The following CYP51A1 variants were observed in gnomAD, a reference collection of about 807,000 sequenced individuals.
CYP51A1 encodes lanosterol 14-alpha demethylase.
A neutral mutation model predicts 53.5 loss-of-function variants in CYP51A1; 45 were observed. That is an observed-to-expected ratio of 0.84 (90% confidence interval 0.66 to 1.08). The LOEUF (loss-of-function observed/expected upper bound fraction) is 1.08. CYP51A1 is among the 50% of genes least tolerant of loss of function. CYP51A1 has a pLI of 0.00. For missense variants in CYP51A1, 462 were observed against 621.7 expected (o/e 0.74, Z 2.73); for synonymous variants, 181 against 217.7 (o/e 0.83, Z 1.48).
chr7:92,114,077 T>C (rs1017335237), intron 9 of CYP51A1, among the ~76,000 whole-genome samples: 3 of 152,164 alleles, frequency 2.0e-5, no homozygotes, highest in Non-Finnish European at 2.9e-5. Flanking sequence ...AATTACTTTT[T>C]CTGAAAATAT....
intron 4 of CYP51A1, 69 bp downstream of exon 4, chr7:92,127,436 A>ATAC (rs1205488849): frequency 1.3e-5 from 18 of 1,439,510 alleles, no homozygotes; most frequent in Non-Finnish European, 1.7e-5. Flanking sequence ...TACTACACAC[A>ATAC]TATATACTCT....
intron 2 of CYP51A1, among the ~76,000 whole-genome samples, chr7:92,129,777 C>G (rs1003211908): frequency 1.3e-5 from 2 of 151,888 alleles, no homozygotes; most frequent in South Asian, 4.2e-4. Context: ...ACAAGTATTA[C>G]AGAAAGGAAA....
Position 92,118,610 on chromosome 7 carries a change from C to A in CYP51A1, c.1092G>T (p.Lys364Asn). 1.3e-6 allele frequency: 2 copies of A among 1,524,442 alleles called. No homozygotes were observed. The highest frequency in any genetic ancestry group is 1.8e-6 in the Non-Finnish European group (2 of 1,098,544). 94.4% of individuals were successfully genotyped at this position (1,524,442 alleles called of 1,614,324 possible). ...TACAGCGATCAAGTAAATTTAGATC[C>A]TTGAGCTAAAATGAGAAAGCATTTC... ...NLPPLTYDQL[K>N]DLNLLDRCIK... The change falls in exon 8 of 10, where the codon AAG (lysine) becomes AAT (asparagine). Residue 364 changes from lysine (K) to asparagine (N), a missense_variant. By Grantham distance (94) the Lys-to-Asn change is moderately conservative (BLOSUM62 0). Coordinates refer to ENST00000003100, the MANE Select transcript of CYP51A1 (RefSeq NM_000786.4).
chr7:92,134,444 C>G lies in CYP51A1; in HGVS notation c.-80G>C, dbSNP rs1180409013. ...GGAACGAGAGAAGCTGGCAGATGGT[C>G]GTCCACAGGGGGCCTTGCCCCAGGT... On this transcript the variant is annotated 5_prime_UTR_variant, in exon 1 of 10. Coordinates refer to ENST00000003100, the MANE Select transcript of CYP51A1 (RefSeq NM_000786.4). 6 of 1,418,766 alleles carry G rather than the reference C, an allele frequency of 4.2e-6. No homozygotes were observed. The highest frequency in any genetic ancestry group is 5.6e-6 in the Non-Finnish European group (6 of 1,062,098). The allele number at this position is 1,418,766 out of a possible 1,614,324, so 87.9% of individuals were successfully genotyped here.
At chr7:92,128,428 CTGTGTGTG>C (rs1554479142) in intron 3 of CYP51A1, among the ~76,000 whole-genome samples, 1 of 143,040 alleles carries the variant, frequency 7.0e-6, no homozygotes, top group Non-Finnish European at 1.5e-5. Flanking sequence ...TGGTTGGTTT[CTGTGTGTG>C]TGTGTGTGTG....
At chr7:92,116,811 C>T (rs1036626243) in intron 9 of CYP51A1, among the ~76,000 whole-genome samples, 1 of 152,038 alleles carries the variant, frequency 6.6e-6, no homozygotes, top group Non-Finnish European at 1.5e-5. Flanking sequence ...CCTAATAAAA[C>T]CAGACAGGTT....
chr7:92,123,791 C>A lies in CYP51A1; in HGVS notation c.833G>T (p.Arg278Ile). The A allele has an allele frequency of 6.2e-7, 1 of 1,609,252 alleles. No individual in the cohort carries two copies. The highest frequency in any genetic ancestry group is 8.5e-7 in the Non-Finnish European group (1 of 1,177,524). Reference protein sequence around the residue: ...DIFYKAIQKRRQSQEKIDDIL... With the variant: ...DIFYKAIQKRIQSQEKIDDIL... ...GTCATCAATTTTTTCTTGAGACTGT[C>A]TGCGTTTCTGGATTGCCTTATAGAA... The change falls in exon 6 of 10, where the codon AGA (arginine) becomes ATA (isoleucine). Residue 278 changes from arginine to isoleucine, a missense_variant. Coordinates refer to ENST00000003100, the MANE Select transcript of CYP51A1 (RefSeq NM_000786.4).
intron 1 of CYP51A1, among the ~76,000 whole-genome samples, chr7:92,133,829 A>G (rs1819975729): frequency 6.6e-6 from 1 of 152,106 alleles, no homozygotes; most frequent in Non-Finnish European, 1.5e-5. Context: ...AGCCACCGCC[A>G]CTAGGGGCAC....
Position 92,113,860 on chromosome 7 carries a change from G to GGTTGCAAGGAACGAATATATGTGA in CYP51A1, c.1352-18_1352-17insTCACATATATTCGTTCCTTGCAAC. 6.4e-7 allele frequency: 1 copy of GGTTGCAAGGAACGAATATATGTGA among 1,556,918 alleles called. No homozygotes were observed. Among genetic ancestry groups the GGTTGCAAGGAACGAATATATGTGA allele is most frequent in the Non-Finnish European group, 8.7e-7 (1 of 1,150,278 alleles). On this transcript the variant is annotated splice_polypyrimidine_tract_variant and intron_variant, in intron 9 of 9. Coordinates refer to ENST00000003100, the MANE Select transcript of CYP51A1 (RefSeq NM_000786.4). ...GATGACGCCCTAAAAAAAAGAAAAA[G>GGTTGCAAGGAACGAATATATGTGA]TTATAAGAATCAGTTTAAATTCTTT...
chr7:92,131,861 T>C lies in CYP51A1; in HGVS notation c.204A>G (p.Pro68=), dbSNP rs759811340. The part of the protein sequence containing the change: ...VQLPAGVKSP[P]YIFSPIPFLG... ...GGAATGGAATTGGGGAGAAAATGTA[T>C]GGAGGACTTTTCTACAAGAGAAAAA... The change falls in exon 2 of 10, where the codon CCA becomes CCG. Residue 68 remains proline, a synonymous_variant. Coordinates refer to ENST00000003100, the MANE Select transcript of CYP51A1 (RefSeq NM_000786.4). 6 of 1,582,502 alleles carry C rather than the reference T, an allele frequency of 3.8e-6. No homozygotes were observed. The African/African-American group carries it at 8.1e-5, about 21-fold the overall frequency.
chr7:92,129,706 T>A (rs1274934265), intron 2 of CYP51A1, among the ~76,000 whole-genome samples: 1 of 152,204 alleles, frequency 6.6e-6, no homozygotes, highest in Non-Finnish European at 1.5e-5. Flanking sequence ...AAGCTTAGTC[T>A]ATTGGAAAAA....
At chr7:92,130,990 T>C (rs1819905399) in intron 2 of CYP51A1, among the ~76,000 whole-genome samples, 1 of 152,132 alleles carries the variant, frequency 6.6e-6, no homozygotes, top group East Asian at 1.9e-4. Flanking sequence ...CCTCCAAGGG[T>C]GACTTCTGCC....
intron 6 of CYP51A1, among the ~76,000 whole-genome samples, 171 bp from the exon 7 acceptor site, chr7:92,123,486 A>G (rs1476277949): frequency 6.6e-6 from 1 of 152,224 alleles, no homozygotes; most frequent in Non-Finnish European, 1.5e-5. Context: ...AGACCAGCAC[A>G]AAACGATTTT....
At chr7:92,118,733 T>C in intron 7 of CYP51A1, 118 bp from the exon 8 acceptor site, 1 of 648,086 alleles carries the variant, frequency 1.5e-6, no homozygotes, top group Non-Finnish European at 2.8e-6. Context: ...AGTACAGAGG[T>C]AACTGGTTCA....
chr7:92,133,691 C>G (rs1373290517), intron 1 of CYP51A1, among the ~76,000 whole-genome samples: 6 of 152,160 alleles, frequency 3.9e-5, no homozygotes, highest in Non-Finnish European at 7.3e-5. Flanking sequence ...CTGCTACAGC[C>G]CACAGAACAC....
Position 92,113,576 on chromosome 7 carries a change from T to C in CYP51A1, c.*89A>G. 2 of 1,255,722 alleles carry C rather than the reference T, an allele frequency of 1.6e-6. No individual in the cohort carries two copies. The highest frequency in any genetic ancestry group is 2.2e-6 in the Non-Finnish European group (2 of 888,912). The allele number at this position is 1,255,722 out of a possible 1,614,324, so 77.8% of individuals were successfully genotyped here. ...TTACACACTTAAAAAAACAGTAAAC[T>C]ACAAGAGTTGTTTTGTACACTTCAT... On this transcript the variant is annotated 3_prime_UTR_variant, in exon 10 of 10. Coordinates refer to ENST00000003100, the MANE Select transcript of CYP51A1 (RefSeq NM_000786.4).
chr7:92,128,461 T>TGTGTGC (rs1563181258), intron 3 of CYP51A1, among the ~76,000 whole-genome samples: 2 of 137,368 alleles, frequency 1.5e-5, no homozygotes, highest in African/African-American at 5.7e-5. Flanking sequence ...TGTGTGCGCG[T>TGTGTGC]GCGTGTGTGT....
intron 7 of CYP51A1, among the ~76,000 whole-genome samples, chr7:92,120,134 T>G (rs1245338630): frequency 6.6e-6 from 1 of 152,174 alleles, no homozygotes; most frequent in Non-Finnish European, 1.5e-5. Flanking sequence ...AGAACTAAAA[T>G]AAGAGAAAGA....
At chr7:92,129,678 A>T (rs902853619) in intron 2 of CYP51A1, among the ~76,000 whole-genome samples, 2 of 152,206 alleles carry the variant, frequency 1.3e-5, no homozygotes, top group Admixed American at 1.3e-4. Flanking sequence ...ATGAAAAAAA[A>T]TACTGTCCCA....
Sources: allele counts gnomAD v4.1 joint callset (sites outside exome capture counted in the v4.1 genomes callset), GRCh38; gene constraint gnomAD v4.1.1; transcripts MANE v1.5; gene names NCBI Gene and HGNC (gene_info 2026-07-23, HGNC 2026-07-21).